Variants in ARHGAP8 observed in about 807,000 individuals in gnomAD.
ARHGAP8 encodes Rho GTPase activating protein 8.
Under a neutral mutation model 46.1 loss-of-function variants are expected in ARHGAP8, and 62 were observed. The ratio of observed to expected loss-of-function variants is 1.34; its 90% confidence interval spans 1.10 to 1.66. The LOEUF (loss-of-function observed/expected upper bound fraction) is 1.66, where lower values mean the gene tolerates loss of function less well. ARHGAP8 is among the 40% of genes most tolerant of loss of function. The pLI is 0.00. For synonymous variants in ARHGAP8, 375 were observed against 243.1 expected (o/e 1.54, Z -5.05); for missense variants, 923 against 568.4 (o/e 1.62, Z -6.34).
At chr22:44,834,612 A>G (rs146070664) in intron 7 of ARHGAP8, among the ~76,000 whole-genome samples, 2,363 of 152,246 alleles carry the variant, frequency 0.016, 33 homozygotes, top group South Asian at 0.038. Context: ...ATAAATGTCA[A>G]TTAAGTCTAC....
chr22:44,809,218 C>G (rs758279304), intron 4 of ARHGAP8: 5 of 464,580 alleles, frequency 1.1e-5, no homozygotes, highest in Admixed American at 7.1e-5. Flanking sequence ...TCCAGTAAAA[C>G]ATTATGGACG....
intron 10 of ARHGAP8, among the ~76,000 whole-genome samples, chr22:44,851,392 AATAT>A (rs2070089539): frequency 1.4e-5 from 2 of 140,212 alleles, no homozygotes; most frequent in African/African-American, 5.8e-5. Flanking sequence ...GAGCCTTTTA[AATAT>A]TTATTTATTT....
At chr22:44,772,254 C>CT (rs869086527) in intron 1 of ARHGAP8, among the ~76,000 whole-genome samples, 3 of 31,466 alleles carry the variant, frequency 9.5e-5, no homozygotes, top group African/African-American at 3.1e-4. Context: ...TTTTTTTTTT[C>CT]AAGACTGAGT....
chr22:44,839,797 A>T (rs1263120528), intron 7 of ARHGAP8, among the ~76,000 whole-genome samples: 1 of 152,194 alleles, frequency 6.6e-6, no homozygotes, highest in Non-Finnish European at 1.5e-5. Flanking sequence ...CACTTCACAG[A>T]TTCTCCAGGA....
intron 3 of ARHGAP8, among the ~76,000 whole-genome samples, chr22:44,802,679 C>T (rs1292369310): frequency 1.3e-5 from 2 of 152,146 alleles, no homozygotes; most frequent in Non-Finnish European, 2.9e-5. Context: ...GTCAAGGCAG[C>T]GGCAGGGCTA....
intron 11 of ARHGAP8, among the ~76,000 whole-genome samples, chr22:44,860,941 C>A (rs975471477): frequency 2.6e-5 from 4 of 151,804 alleles, no homozygotes; most frequent in African/African-American, 9.7e-5. Flanking sequence ...GGTTTTACAA[C>A]AATTTTTTTT....
chr22:44,842,133 C>T (rs181102877), intron 7 of ARHGAP8, among the ~76,000 whole-genome samples: 6 of 152,222 alleles, frequency 3.9e-5, no homozygotes, highest in Admixed American at 2.0e-4. Flanking sequence ...CTGGGGCGGG[C>T]GGATCACATG....
At chr22:44,842,305 A>C (rs9614579) in intron 7 of ARHGAP8, among the ~76,000 whole-genome samples, 8,115 of 152,242 alleles carry the variant, frequency 0.053, 298 homozygotes, top group African/African-American at 0.083. Context: ...TGCAGTGAGC[A>C]GAGATTGCGC....
Position 44,834,470 on chromosome 22 carries a change from A to C in ARHGAP8, c.596+8877A>C, listed in dbSNP as rs112383463. Among the ~76,000 whole-genome samples the C allele has an allele frequency of 3.7e-3, 564 of 152,178 alleles. 5 individuals carry two copies. Among genetic ancestry groups the C allele is most frequent in the African/African-American group, 0.013 (534 of 41,548 alleles). ...TTATTTTATTATAATTAGATAACTTACTTTGTATGATTTAACTTCTTTCAG... is the reference window on the plus strand; with the variant it reads ...TTATTTTATTATAATTAGATAACTTCCTTTGTATGATTTAACTTCTTTCAG... On this transcript the variant is annotated intron_variant, in intron 7 of 11. Coordinates refer to ENST00000356099, the MANE Select transcript of ARHGAP8 (RefSeq NM_181335.3).
chr22:44,835,837 ACTGGTAAGTATCTGTCTTT>A (rs1333514282), intron 7 of ARHGAP8, among the ~76,000 whole-genome samples: 1 of 152,212 alleles, frequency 6.6e-6, no homozygotes, highest in Non-Finnish European at 1.5e-5. Context: ...TCAGAAAAGA[ACTGGTAAGTATCTGTCTTT>A]CTAGTCTCTT....
chr22:44,795,580 G>A (rs1241910497), intron 2 of ARHGAP8, among the ~76,000 whole-genome samples: 1 of 152,076 alleles, frequency 6.6e-6, no homozygotes, highest in Non-Finnish European at 1.5e-5. Context: ...GCGCTGGCAG[G>A]CCACGAGCCC....
chr22:44,770,979 G>C (rs1925955636), intron 1 of ARHGAP8, among the ~76,000 whole-genome samples: 1 of 152,198 alleles, frequency 6.6e-6, no homozygotes, highest in Admixed American at 6.5e-5. Context: ...GAAGTTAAAG[G>C]CAAGATGGAG....
At position 44,772,223 on chromosome 22, in the gene ARHGAP8, CTTTTTTTTTTTTTTTTT is replaced by C. The variant is rs71188484; in HGVS notation, c.-71-14220_-71-14204del. On this transcript the variant is annotated intron_variant, in intron 1 of 11. Transcript: ENST00000356099. ...TGTTTCTGTTTTACTACTGTTTTGC[CTTTTTTTTTTTTTTTTT>C]TTTTTTTTTTTTTCAAGACTGAGTC... Among the ~76,000 whole-genome samples the C allele has an allele frequency of 6.7e-4, 11 of 16,430 alleles. 1 individual carries two copies. The South Asian group carries it at 0.045, about 67-fold the overall frequency. 10.8% of individuals were successfully genotyped at this position (16,430 alleles called of 152,430 possible).
At chr22:44,851,951 G>A (rs1002899715) in intron 10 of ARHGAP8, among the ~76,000 whole-genome samples, 5 of 152,028 alleles carry the variant, frequency 3.3e-5, no homozygotes, top group African/African-American at 1.2e-4. Context: ...AGCACTTCGG[G>A]AAGCCAAGGT....
intron 1 of ARHGAP8, among the ~76,000 whole-genome samples, chr22:44,757,591 T>C (rs1160845854): frequency 6.6e-6 from 1 of 152,158 alleles, no homozygotes; most frequent in Admixed American, 6.5e-5. Flanking sequence ...GATCTTTCTT[T>C]TAAATTCCTT....
At chr22:44,847,781 C>T (rs1433935403) in intron 8 of ARHGAP8, among the ~76,000 whole-genome samples, 192 bp from the exon 9 acceptor site, 2 of 152,218 alleles carry the variant, frequency 1.3e-5, no homozygotes, top group African/African-American at 4.8e-5. Flanking sequence ...TCTATTTCCG[C>T]TTTCCCTTTC....
At chr22:44,858,920 T>C (rs533697429) in intron 10 of ARHGAP8, among the ~76,000 whole-genome samples, 3 of 151,944 alleles carry the variant, frequency 2.0e-5, no homozygotes, top group East Asian at 3.9e-4. Flanking sequence ...TTTGTGGGCC[T>C]TGTAGTCTCT....
rs895898955 is a variant in ARHGAP8, at chr22:44,767,581, G to A, written c.-72+14954G>A. Among the ~76,000 whole-genome samples the A allele has an allele frequency of 2.0e-5, 3 of 152,006 alleles. No homozygotes were observed. In the South Asian group the frequency reaches 6.2e-4, roughly 32 times the overall value. On this transcript the variant is annotated intron_variant, in intron 1 of 11. Transcript: ENST00000356099. The stretch of plus-strand genomic sequence containing the variant: ...TCTTTTATAAACCAGAACCCACCGA[G>A]GCTCCCACGCTGCCTTTAACTGTTG...
chr22:44,785,351 C>T (rs1430717693), intron 1 of ARHGAP8, among the ~76,000 whole-genome samples: 1 of 152,132 alleles, frequency 6.6e-6, no homozygotes, highest in Admixed American at 6.5e-5. Context: ...TTCTGGAGGC[C>T]ACCAGTCCAA....
Sources: gnomAD v4.1 joint callset for allele counts (sites outside exome capture counted in the v4.1 genomes callset) on GRCh38, gnomAD v4.1.1 for gene constraint, MANE v1.5 for transcripts, NCBI Gene and HGNC (gene_info 2026-07-23, HGNC 2026-07-21) for gene names.